Variants in ZC3H12B observed in about 807,000 individuals in gnomAD.
ZC3H12B encodes the protein probable ribonuclease ZC3H12B.
Under a neutral mutation model 43.9 loss-of-function variants are expected in ZC3H12B, and 7 were observed. The observed-to-expected ratio is 0.16, with a 90% CI of 0.09 to 0.30. ZC3H12B has a LOEUF of 0.30. Among genes scored for constraint, ZC3H12B ranks in the 10% least tolerant of loss-of-function variants. The probability of loss-of-function intolerance (pLI) is 1.00; values close to 1 mark genes in which losing one functional copy is unlikely to be tolerated. For missense variants in ZC3H12B, 475 were observed against 670.2 expected (o/e 0.71, Z 3.22); for synonymous variants, 222 against 241.7 (o/e 0.92, Z 0.76).
intron 3 of ZC3H12B, among the ~76,000 whole-genome samples, chrX:65,467,970 C>T (rs1332086358): frequency 8.9e-6 from 1 of 111,949 alleles, no homozygotes; most frequent in Non-Finnish European, 1.9e-5. Context: ...AATTAGGTCC[C>T]ATTTATTTTT....
the ZC3H12B span, among the ~76,000 whole-genome samples, chrX:65,302,533 C>A: frequency 8.9e-6 from 1 of 111,904 alleles, no homozygotes; most frequent in Non-Finnish European, 1.9e-5. Context: ...AATGGGAAGT[C>A]ATTTTATGTT....
chrX:65,366,387 T>G (rs1455789346), upstream of ZC3H12B, among the ~76,000 whole-genome samples: 1 of 112,096 alleles, frequency 8.9e-6, no homozygotes, highest in African/African-American at 3.2e-5. Flanking sequence ...TAGAAAATTC[T>G]TTGGATCATG....
the ZC3H12B span, among the ~76,000 whole-genome samples, chrX:65,193,973 G>A: frequency 9.0e-6 from 1 of 110,831 alleles, no homozygotes; most frequent in African/African-American, 3.3e-5. Flanking sequence ...GAAGGCAAAT[G>A]GGGAGCCAAC....
chrX:65,406,613 T>TGGGCGGGGAC (rs1473836593), intron 3 of ZC3H12B, among the ~76,000 whole-genome samples: 7,126 of 17,317 alleles, frequency 0.41, 1,261 homozygotes, highest in African/African-American at 0.53. Context: ...TGGGCGGGGC[T>TGGGCGGGGAC]GGGCGGGACT....
chrX:65,325,974 A>G, the ZC3H12B span, among the ~76,000 whole-genome samples: 1 of 111,884 alleles, frequency 8.9e-6, no homozygotes, highest in Non-Finnish European at 1.9e-5. Context: ...TCTTCAATAA[A>G]TGGTGTTGGG....
chrX:65,503,126 G>T, exon 5 of ZC3H12B: 1 of 1,211,399 alleles, frequency 8.3e-7, no homozygotes, highest in Non-Finnish European at 1.1e-6. Context: ...CATCGTCCTT[G>T]CAGTGATGGA....
exon 4 of ZC3H12B, chrX:65,499,985 T>G: frequency 1.7e-6 from 2 of 1,184,646 alleles, no homozygotes; most frequent in Non-Finnish European, 2.3e-6. Flanking sequence ...AACCATGTCC[T>G]TATGGTGAGT....
the ZC3H12B span, among the ~76,000 whole-genome samples, chrX:65,209,794 C>T: frequency 9.8e-6 from 1 of 101,539 alleles, no homozygotes. Flanking sequence ...CTTTGACAAA[C>T]CTGAGAAAAA....
chrX:65,109,123 G>A, the ZC3H12B span, among the ~76,000 whole-genome samples: 1 of 111,326 alleles, frequency 9.0e-6, no homozygotes, highest in Non-Finnish European at 1.9e-5. Context: ...AGTACATAAT[G>A]ACTAAAATAC....
the ZC3H12B span, among the ~76,000 whole-genome samples, chrX:65,103,730 G>A: frequency 9.0e-6 from 1 of 111,014 alleles, no homozygotes; most frequent in Non-Finnish European, 1.9e-5. Context: ...CCCTCTGTTT[G>A]GGGTCCCTGA....
At chrX:65,460,207 G>C (rs1380669505) in intron 3 of ZC3H12B, among the ~76,000 whole-genome samples, 1 of 111,606 alleles carries the variant, frequency 9.0e-6, no homozygotes, top group African/African-American at 3.3e-5. Flanking sequence ...CAAAATAAAG[G>C]AGGATACAAA....
At chrX:65,267,181 T>C in the ZC3H12B span, among the ~76,000 whole-genome samples, 1 of 103,019 alleles carries the variant, frequency 9.7e-6, no homozygotes, top group Non-Finnish European at 1.9e-5. Context: ...AGAGTGAGAG[T>C]ATTTTTTTTC....
the ZC3H12B span, among the ~76,000 whole-genome samples, chrX:65,242,739 G>T: frequency 8.9e-5 from 10 of 111,937 alleles, no homozygotes; most frequent in Admixed American, 9.5e-4. Flanking sequence ...TACTACAAAG[G>T]TATAGTACCC....
At chrX:65,488,708 A>G, upstream of ZC3H12B, 2 of 1,045,567 alleles carry the variant, frequency 1.9e-6, no homozygotes, top group Non-Finnish European at 2.5e-6. Flanking sequence ...CGCTACCACG[A>G]CATTTTACTA....
the ZC3H12B span, among the ~76,000 whole-genome samples, chrX:65,070,243 G>T: frequency 9.0e-6 from 1 of 111,067 alleles, no homozygotes; most frequent in South Asian, 3.8e-4. Context: ...GTTGTTCATA[G>T]TAGCTCCTGA....
the ZC3H12B span, among the ~76,000 whole-genome samples, chrX:65,054,993 G>A: frequency 0.083 from 9,196 of 111,326 alleles, 1,018 homozygotes; most frequent in African/African-American, 0.29. Flanking sequence ...GGGCTGAGAC[G>A]ATGGGGTTTT....
At chrX:65,472,850 ATATATATATGTTTGTGTATATATATGTT>A (rs1302817683) in intron 3 of ZC3H12B, among the ~76,000 whole-genome samples, 4 of 90,042 alleles carry the variant, frequency 4.4e-5, no homozygotes, top group Non-Finnish European at 8.5e-5. Flanking sequence ...ATATATATAT[ATATATATATGTTTGTGTATATATATGTT>A]TATATATATA....
the ZC3H12B span, among the ~76,000 whole-genome samples, chrX:65,038,730 T>G: frequency 9.0e-6 from 1 of 111,433 alleles, no homozygotes; most frequent in Non-Finnish European, 1.9e-5. Context: ...TCAGTCTCTG[T>G]TAAGTAACAT....
intron 2 of ZC3H12B, 24 bp downstream of exon 7, chrX:65,497,295 C>T: frequency 8.5e-7 from 1 of 1,181,861 alleles, no homozygotes. Context: ...TAAGACATTT[C>T]TTCTCATCTA....
Sources: allele counts gnomAD v4.1 joint callset (sites outside exome capture counted in the v4.1 genomes callset), GRCh38; gene constraint gnomAD v4.1.1; transcripts MANE v1.5; gene names NCBI Gene and HGNC (gene_info 2026-07-23, HGNC 2026-07-21).